The following CNTNAP2 variants were observed in gnomAD, a reference collection of about 807,000 sequenced individuals.
CNTNAP2 encodes contactin associated protein 2.
In CNTNAP2, 98 loss-of-function variants were observed where a neutral mutation model predicts 155.2. The observed-to-expected ratio is 0.63, with a 90% CI of 0.54 to 0.75. The LOEUF (loss-of-function observed/expected upper bound fraction) is 0.75. Among genes scored for constraint, CNTNAP2 ranks in the 30% least tolerant of loss-of-function variants. CNTNAP2 has a pLI of 0.00. For missense variants in CNTNAP2, 1,727 were observed against 1,688.1 expected, an observed-to-expected ratio of 1.02 and a Z score of -0.40; for synonymous variants, 651 against 631.2, an observed-to-expected ratio of 1.03 and a Z score of -0.47.
intron 2 of CNTNAP2, among the ~76,000 whole-genome samples, chr7:146,813,283 A>G (rs1184166769): frequency 6.6e-6 from 1 of 152,164 alleles, no homozygotes; most frequent in Non-Finnish European, 1.5e-5. Context: ...ATGCCAGCCT[A>G]TGAAAGCAGC....
chr7:148,121,296 G>T (rs1804590154), intron 16 of CNTNAP2, among the ~76,000 whole-genome samples: 1 of 152,088 alleles, frequency 6.6e-6, no homozygotes. Flanking sequence ...GCCTCCCAAA[G>T]CCCTAGGATT....
At chr7:147,503,805 G>A (rs1312901154) in intron 11 of CNTNAP2, among the ~76,000 whole-genome samples, 2 of 151,750 alleles carry the variant, frequency 1.3e-5, no homozygotes, top group Non-Finnish European at 2.9e-5. Context: ...AAAATAAATT[G>A]TGTAGGCCTA....
intron 1 of CNTNAP2, among the ~76,000 whole-genome samples, chr7:146,756,164 C>T (rs909707382): frequency 7.9e-5 from 12 of 151,782 alleles, no homozygotes; most frequent in African/African-American, 2.9e-4. Context: ...TTTTGACTAC[C>T]TACAAAATTG....
intron 8 of CNTNAP2, among the ~76,000 whole-genome samples, chr7:147,262,361 G>A (rs1804493681): frequency 6.6e-6 from 1 of 152,090 alleles, no homozygotes; most frequent in African/African-American, 2.4e-5. Context: ...TTAACCCCTG[G>A]TACCCTAGAA....
chr7:146,480,969 C>T (rs992136811), intron 1 of CNTNAP2, among the ~76,000 whole-genome samples: 3 of 151,778 alleles, frequency 2.0e-5, no homozygotes, highest in Non-Finnish European at 2.9e-5. Flanking sequence ...CATGAGCCAC[C>T]GCGCCCGGCC....
chr7:146,650,105 T>C (rs747664773), intron 1 of CNTNAP2, among the ~76,000 whole-genome samples: 2 of 151,982 alleles, frequency 1.3e-5, no homozygotes, highest in Non-Finnish European at 2.9e-5. Flanking sequence ...GGGAGTGTAA[T>C]TTGTCTTACA....
chr7:147,958,622 T>C (rs1801064697), intron 14 of CNTNAP2, among the ~76,000 whole-genome samples: 1 of 152,196 alleles, frequency 6.6e-6, no homozygotes, highest in Non-Finnish European at 1.5e-5. Context: ...GAGCCAAAAA[T>C]ATAACTGAAC....
rs71165043 is a variant in CNTNAP2 at position 146,856,297 on chromosome 7, GATACATACATAC to G, written c.402+16429_402+16440del. Among the ~76,000 whole-genome samples, 267 of 116,692 alleles carry G rather than the reference GATACATACATAC, an allele frequency of 2.3e-3. 2 individuals are homozygous for G. The highest frequency in any genetic ancestry group is 6.3e-3 in the African/African-American group (192 of 30,484). The allele number at this position is 116,692 out of a possible 152,430, so 76.6% of individuals were successfully genotyped here. A position where few individuals can be genotyped will look rare whatever the true frequency, so the allele number is the denominator to read the frequency against. ...AGATAGATAGATAGATAGATAGATAGATACATACATACATACATACATACATACATACATACA... is the reference window on the plus strand; with the variant it reads ...AGATAGATAGATAGATAGATAGATAGATACATACATACATACATACATACA... On this transcript the variant is annotated intron_variant, in intron 3 of 23. Transcript: ENST00000361727.
At chr7:147,448,461 A>T (rs922438765) in intron 10 of CNTNAP2, among the ~76,000 whole-genome samples, 1 of 139,612 alleles carries the variant, frequency 7.2e-6, no homozygotes, top group Non-Finnish European at 1.5e-5. Context: ...CTAAGTAAAA[A>T]CAAACCAAAT....
At chr7:146,367,929 G>A (rs913525177) in intron 1 of CNTNAP2, among the ~76,000 whole-genome samples, 9 of 152,050 alleles carry the variant, frequency 5.9e-5, no homozygotes, top group African/African-American at 1.7e-4. Context: ...AGGACTCCCT[G>A]GCCAGTGTTC....
At chr7:146,426,406 T>C (rs56157401) in intron 1 of CNTNAP2, among the ~76,000 whole-genome samples, 49,254 of 136,004 alleles carry the variant, frequency 0.36, 9,034 homozygotes, top group African/African-American at 0.56. Context: ...TATATATATA[T>C]ATACACACAC....
At position 147,564,187 on chromosome 7, in the gene CNTNAP2, TAAAA is replaced by T. The variant is rs1333823122; in HGVS notation, c.1897+1934_1897+1937del. Among the ~76,000 whole-genome samples, 5 of 151,954 alleles carry T rather than the reference TAAAA, an allele frequency of 3.3e-5. No homozygotes were observed. The East Asian group carries it at 9.7e-4, about 29-fold the overall frequency. Reference sequence around the variant, plus strand: ...CTCAATTTTTTTTTCAAAATAGAAATAAAAAAATAAAATGGGAACTAGCGTCCCC... The same window carrying T: ...CTCAATTTTTTTTTCAAAATAGAAATAAATAAAATGGGAACTAGCGTCCCC... On this transcript the variant is annotated intron_variant, in intron 12 of 23. Transcript: ENST00000361727.
intron 15 of CNTNAP2, among the ~76,000 whole-genome samples, chr7:148,019,296 T>C (rs1313157401): frequency 6.6e-6 from 1 of 152,206 alleles, no homozygotes; most frequent in African/African-American, 2.4e-5. Context: ...CTGTCTCCTA[T>C]GGGATCCAGG....
At chr7:147,999,746 C>T (rs1801865728) in intron 15 of CNTNAP2, among the ~76,000 whole-genome samples, 3 of 152,160 alleles carry the variant, frequency 2.0e-5, no homozygotes, top group Admixed American at 2.0e-4. Flanking sequence ...CACACACACT[C>T]TCACACACGG....
intron 1 of CNTNAP2, among the ~76,000 whole-genome samples, chr7:146,602,285 G>A (rs573734354): frequency 6.6e-6 from 1 of 152,290 alleles, no homozygotes; most frequent in South Asian, 2.1e-4. Flanking sequence ...AAAAGTAGGA[G>A]AGTAACTTGA....
At chr7:146,337,710 T>C (rs1437891363) in intron 1 of CNTNAP2, among the ~76,000 whole-genome samples, 1 of 152,086 alleles carries the variant, frequency 6.6e-6, no homozygotes. Context: ...GTTCAAGCGG[T>C]TCTCCTGCTT....
chr7:147,036,029 C>T (rs532116114), intron 3 of CNTNAP2, among the ~76,000 whole-genome samples: 1 of 152,282 alleles, frequency 6.6e-6, no homozygotes, highest in South Asian at 2.1e-4. Context: ...TAGACTTGTG[C>T]ATCCTGTCTA....
chr7:147,905,712 G>A (rs1319087458), intron 14 of CNTNAP2, among the ~76,000 whole-genome samples: 3 of 152,104 alleles, frequency 2.0e-5, no homozygotes, highest in South Asian at 2.1e-4. Flanking sequence ...GCAAAACCCC[G>A]TCTCTACTAA....
At chr7:148,017,215 C>A (rs1043951363) in intron 15 of CNTNAP2, among the ~76,000 whole-genome samples, 1 of 152,192 alleles carries the variant, frequency 6.6e-6, no homozygotes, top group East Asian at 1.9e-4. Context: ...TTTCCCTGAA[C>A]ACCTAAATCC....
Sources: gnomAD v4.1 joint callset for allele counts (sites outside exome capture counted in the v4.1 genomes callset) on GRCh38, gnomAD v4.1.1 for gene constraint, MANE v1.5 for transcripts, NCBI Gene and HGNC (gene_info 2026-07-23, HGNC 2026-07-21) for gene names.